The following MYO6 variants were observed in gnomAD, a reference collection of about 807,000 sequenced individuals.
MYO6 encodes the protein myosin VI.
MYO6 carries 74 observed loss-of-function variants against 178.7 expected under a neutral mutation model. That is an observed-to-expected ratio of 0.41 (90% CI 0.34 to 0.50). MYO6 has a LOEUF of 0.50. Among genes scored for constraint, MYO6 ranks in the 20% least tolerant of loss-of-function variants. MYO6 has a pLI of 0.09. For missense variants in MYO6, 1,330 were observed against 1,547.4 expected, an observed-to-expected ratio of 0.86 and a Z score of 2.36; for synonymous variants, 477 against 504.6, an observed-to-expected ratio of 0.95 and a Z score of 0.73.
At chr6:75,908,928 A>G (rs534733100) in intron 32 of MYO6, among the ~76,000 whole-genome samples, 1 of 152,246 alleles carries the variant, frequency 6.6e-6, no homozygotes, top group South Asian at 2.1e-4. Context: ...CACACTCACA[A>G]GATTAAATGT....
At chr6:75,819,457 C>T (rs181122756) in intron 2 of MYO6, among the ~76,000 whole-genome samples, 15 of 152,278 alleles carry the variant, frequency 9.9e-5, no homozygotes, top group Admixed American at 9.2e-4. Context: ...GTCATGCACA[C>T]CTTTGTGCAG....
chr6:75,844,110 T>C (rs920725441), intron 9 of MYO6, among the ~76,000 whole-genome samples: 4 of 152,182 alleles, frequency 2.6e-5, no homozygotes, highest in African/African-American at 9.6e-5. Context: ...TGCAGTACTT[T>C]TAGTCTACCG....
At chr6:75,878,237 T>G (rs1777729555) in intron 20 of MYO6, among the ~76,000 whole-genome samples, 1 of 140,850 alleles carries the variant, frequency 7.1e-6, no homozygotes, top group South Asian at 2.3e-4. Flanking sequence ...TAGATTAAGC[T>G]CTGCTTTATT....
intron 11 of MYO6, among the ~76,000 whole-genome samples, chr6:75,851,583 A>T (rs950014090): frequency 2.0e-5 from 3 of 151,668 alleles, no homozygotes; most frequent in African/African-American, 7.3e-5. Context: ...CGGGAGGGTT[A>T]CTTGAGCTCA....
intron 33 of MYO6, 77 bp downstream of exon 33, chr6:75,911,775 A>G: frequency 7.1e-7 from 1 of 1,401,258 alleles, no homozygotes; most frequent in Non-Finnish European, 1.0e-6. Flanking sequence ...ACTTCTATTA[A>G]AAGTTGTTTT....
intron 30 of MYO6, among the ~76,000 whole-genome samples, chr6:75,902,362 T>C (rs1779867780): frequency 6.6e-6 from 1 of 152,198 alleles, no homozygotes; most frequent in South Asian, 2.1e-4. Context: ...TCCTGAACTC[T>C]TTTTGGTTGG....
At chr6:75,831,086 T>C (rs975844152) in intron 5 of MYO6, among the ~76,000 whole-genome samples, 1 of 152,206 alleles carries the variant, frequency 6.6e-6, no homozygotes, top group Non-Finnish European at 1.5e-5. Context: ...AAGACAGTAG[T>C]GTCTCTTTGC....
intron 6 of MYO6, among the ~76,000 whole-genome samples, chr6:75,833,188 G>A (rs1773298333): frequency 1.3e-5 from 2 of 152,110 alleles, no homozygotes; most frequent in Admixed American, 1.3e-4. Context: ...AAGTCTTACT[G>A]TGTTGCCTAG....
intron 1 of MYO6, 56 bp from the exon 2 acceptor site, chr6:75,817,445 G>T: frequency 1.1e-6 from 1 of 927,984 alleles, no homozygotes; most frequent in Admixed American, 1.7e-5. Flanking sequence ...TACATTATTT[G>T]TTTTATATAT....
chr6:75,813,887 G>T (rs1309576114), intron 1 of MYO6, among the ~76,000 whole-genome samples: 1 of 152,110 alleles, frequency 6.6e-6, no homozygotes, highest in Non-Finnish European at 1.5e-5. Context: ...ATTCTACTGG[G>T]ACTGAATTGG....
intron 16 of MYO6, among the ~76,000 whole-genome samples, chr6:75,864,655 G>C (rs148081756): frequency 5.3e-4 from 81 of 152,280 alleles, no homozygotes; most frequent in Non-Finnish European, 1.0e-3. Flanking sequence ...ATTGTCACGA[G>C]TGTCTCAGAG....
At chr6:75,813,414 C>T (rs1770887616) in intron 1 of MYO6, among the ~76,000 whole-genome samples, 1 of 152,216 alleles carries the variant, frequency 6.6e-6, no homozygotes. Flanking sequence ...TGCTGAATCT[C>T]CTGCTTTAGA....
intron 30 of MYO6, among the ~76,000 whole-genome samples, chr6:75,899,735 T>TA (rs1178515104): frequency 5.3e-5 from 8 of 151,572 alleles, no homozygotes; most frequent in East Asian, 1.9e-4. Flanking sequence ...AACATTTTTT[T>TA]AAAAAAATTA....
At chr6:75,888,280 T>G (rs183394566) in intron 25 of MYO6, among the ~76,000 whole-genome samples, 137 of 151,218 alleles carry the variant, frequency 9.1e-4, no homozygotes, top group Admixed American at 3.0e-3. Context: ...AGACTACGTC[T>G]AAAAATAAAT....
At chr6:75,906,376 A>G (rs1029791184) in intron 30 of MYO6, among the ~76,000 whole-genome samples, 2 of 152,196 alleles carry the variant, frequency 1.3e-5, no homozygotes, top group African/African-American at 4.8e-5. Context: ...CTCAAATTAT[A>G]TGCATAAAAG....
At chr6:75,772,937 T>A (rs1186809449) in intron 1 of MYO6, among the ~76,000 whole-genome samples, 1 of 152,236 alleles carries the variant, frequency 6.6e-6, no homozygotes, top group African/African-American at 2.4e-5. Context: ...TAAGTGTATT[T>A]ACTTGACTTT....
intron 1 of MYO6, among the ~76,000 whole-genome samples, chr6:75,780,232 G>A (rs1351792145): frequency 6.6e-5 from 10 of 152,202 alleles, no homozygotes; most frequent in Admixed American, 6.5e-4. Context: ...TCTGAGGTCA[G>A]GAGTTCAAGA....
rs763798982 is a variant in MYO6, at chr6:75,881,725, G to C, written c.2323G>C (p.Asp775His). The C allele has an allele frequency of 1.2e-6, 2 of 1,613,826 alleles. No individual in the cohort carries two copies. Among genetic ancestry groups the C allele is most frequent in the Non-Finnish European group, 1.7e-6 (2 of 1,179,892 alleles). Residue 775 changes from aspartate (D) to histidine (H), a missense_variant, in exon 23 of 35, where the codon GAC becomes CAC. By Grantham distance (81) the Asp-to-His change is moderately conservative. Transcript: ENST00000369977. ...EFDQIMKSDP[D>H]HLAELVKRVN... ...TGATCAGATCATGAAGTCTGACCCTGACCACTTAGCAGAGTTGGTTAAAAG... is the reference window on the plus strand; with the variant it reads ...TGATCAGATCATGAAGTCTGACCCTCACCACTTAGCAGAGTTGGTTAAAAG...
At chr6:75,753,531 G>T (rs889017841) in intron 1 of MYO6, among the ~76,000 whole-genome samples, 2 of 149,958 alleles carry the variant, frequency 1.3e-5, no homozygotes, top group Admixed American at 6.7e-5. Flanking sequence ...GCATGATCTC[G>T]GCTTACTGCA....
Sources: allele counts gnomAD v4.1 joint callset (sites outside exome capture counted in the v4.1 genomes callset), GRCh38; gene constraint gnomAD v4.1.1; transcripts MANE v1.5; gene names NCBI Gene and HGNC (gene_info 2026-07-23, HGNC 2026-07-21).